The following S100Z variants were observed in gnomAD, a reference collection of about 807,000 sequenced individuals.
S100Z encodes the protein S100 calcium binding protein Z.
A neutral mutation model predicts 8.5 loss-of-function variants in S100Z; 11 were observed. That is an observed-to-expected ratio of 1.30 (90% confidence interval 0.82 to 2.15). S100Z has a LOEUF of 2.15. Ranked by LOEUF, S100Z falls within the 30% of genes most tolerant of loss-of-function variation. The probability of loss-of-function intolerance (pLI) is 0.00; values close to 1 mark genes in which losing one functional copy is unlikely to be tolerated. For synonymous variants in S100Z, 34 were observed against 43.8 expected, an observed-to-expected ratio of 0.78 and a Z score of 0.89; for missense variants, 126 against 117.9, an observed-to-expected ratio of 1.07 and a Z score of -0.32.
At chr5:76,943,833 T>G in the S100Z span, among the ~76,000 whole-genome samples, 1 of 152,334 alleles carries the variant, frequency 6.6e-6, no homozygotes, top group African/African-American at 2.4e-5. Flanking sequence ...AGGGTCCTTT[T>G]GTTTCCATTC....
intron 4 of S100Z, among the ~76,000 whole-genome samples, chr5:76,889,140 T>C (rs932627295): frequency 6.6e-6 from 1 of 152,206 alleles, no homozygotes; most frequent in Non-Finnish European, 1.5e-5. Context: ...TGATATTACC[T>C]GAGCAGGACT....
chr5:76,858,307 G>A (rs926287434), intron 1 of S100Z, among the ~76,000 whole-genome samples: 1 of 152,188 alleles, frequency 6.6e-6, no homozygotes, highest in African/African-American at 2.4e-5. Flanking sequence ...TGGATCACCT[G>A]AGGTCAGGAG....
chr5:76,885,119 T>C (rs1319488086), intron 4 of S100Z, among the ~76,000 whole-genome samples: 2 of 152,186 alleles, frequency 1.3e-5, no homozygotes, highest in Non-Finnish European at 2.9e-5. Context: ...TCAAGCAGTA[T>C]TGCAGAAGAA....
chr5:76,929,051 T>A, the S100Z span, among the ~76,000 whole-genome samples: 2 of 152,248 alleles, frequency 1.3e-5, no homozygotes, highest in African/African-American at 4.8e-5. Flanking sequence ...GCTATTTGGC[T>A]GTCTCTTGAG....
At chr5:76,936,400 A>G in the S100Z span, among the ~76,000 whole-genome samples, 1 of 152,186 alleles carries the variant, frequency 6.6e-6, no homozygotes, top group African/African-American at 2.4e-5. Context: ...GATAAATATC[A>G]AAACGTTAAC....
At chr5:76,930,028 A>G in the S100Z span, among the ~76,000 whole-genome samples, 578 of 152,344 alleles carry the variant, frequency 3.8e-3, 1 homozygote, top group African/African-American at 0.013. Flanking sequence ...CTAAAATTCT[A>G]CTGTTGCAGC....
the S100Z span, among the ~76,000 whole-genome samples, chr5:76,947,164 G>A: frequency 6.6e-6 from 1 of 152,210 alleles, no homozygotes; most frequent in Non-Finnish European, 1.5e-5. Flanking sequence ...ACTGGGGAGT[G>A]GCATTCACAC....
chr5:76,857,159 G>T (rs972125271), intron 1 of S100Z, among the ~76,000 whole-genome samples: 1 of 152,142 alleles, frequency 6.6e-6, no homozygotes, highest in African/African-American at 2.4e-5. Flanking sequence ...AGGCGTGGTG[G>T]CAGGTGCCTG....
intron 1 of S100Z, among the ~76,000 whole-genome samples, chr5:76,866,799 A>G (rs554642987): frequency 2.0e-4 from 30 of 152,302 alleles, no homozygotes; most frequent in African/African-American, 6.5e-4. Flanking sequence ...AAAATCACCT[A>G]ATGACGCATT....
intron 4 of S100Z, among the ~76,000 whole-genome samples, chr5:76,913,366 G>A (rs1181617667): frequency 6.6e-6 from 1 of 152,254 alleles, no homozygotes; most frequent in Non-Finnish European, 1.5e-5. Context: ...TATTCAGTAA[G>A]TGATAAAGAA....
rs866588657 is a variant in S100Z, at chr5:76,921,112, C to T, written c.*398C>T. Reference sequence around the variant, plus strand: ...TATAATCACTGTTAACTTCTTCATTCGAATTTTCCCTAGGTCCATGTATCT... The same window carrying T: ...TATAATCACTGTTAACTTCTTCATTTGAATTTTCCCTAGGTCCATGTATCT... On this transcript the variant is annotated 3_prime_UTR_variant, in exon 5 of 5. Transcript: ENST00000317593. 1.3e-5 allele frequency: 2 copies of T among 152,076 alleles called. No homozygotes were observed. Among genetic ancestry groups the T allele is most frequent in the South Asian group, 2.1e-4 (1 of 4,826 alleles). The allele number at this position is 152,076 out of a possible 1,614,324, so 9.4% of individuals were successfully genotyped here.
At chr5:76,897,324 C>T (rs890712352) in intron 4 of S100Z, among the ~76,000 whole-genome samples, 16 of 151,768 alleles carry the variant, frequency 1.1e-4, no homozygotes, top group African/African-American at 3.4e-4. Flanking sequence ...CGCCTGTAGT[C>T]GCAGCTACTT....
the S100Z span, among the ~76,000 whole-genome samples, chr5:76,952,177 A>T: frequency 6.6e-6 from 1 of 152,180 alleles, no homozygotes; most frequent in African/African-American, 2.4e-5. Flanking sequence ...TAGCCCTGCA[A>T]ATTTGCTGGT....
intron 4 of S100Z, among the ~76,000 whole-genome samples, chr5:76,904,371 C>T (rs972193710): frequency 6.6e-6 from 1 of 152,104 alleles, no homozygotes; most frequent in Non-Finnish European, 1.5e-5. Context: ...CCTCTGCCTC[C>T]TGGGTTCAAG....
chr5:76,941,416 G>C, the S100Z span, among the ~76,000 whole-genome samples: 1 of 152,064 alleles, frequency 6.6e-6, no homozygotes. Context: ...TTTTATAAAG[G>C]GTGGTTCCCC....
intron 1 of S100Z, among the ~76,000 whole-genome samples, chr5:76,851,487 T>C (rs1226363424): frequency 6.6e-6 from 1 of 151,596 alleles, no homozygotes; most frequent in Admixed American, 6.6e-5. Context: ...AGTGAGGAGA[T>C]ACAACCTGGC....
At chr5:76,867,498 C>T (rs1364258618) in intron 1 of S100Z, among the ~76,000 whole-genome samples, 1 of 152,106 alleles carries the variant, frequency 6.6e-6, no homozygotes, top group Non-Finnish European at 1.5e-5. Context: ...AGTCCATGAC[C>T]AATGCCTCAC....
At chr5:76,869,889 G>A (rs1029123352) in intron 1 of S100Z, among the ~76,000 whole-genome samples, 2 of 152,028 alleles carry the variant, frequency 1.3e-5, no homozygotes, top group South Asian at 2.1e-4. Context: ...CCAGCGTGGC[G>A]GTGCCCACTT....
At chr5:76,890,725 G>T (rs1032584022) in intron 4 of S100Z, among the ~76,000 whole-genome samples, 2 of 152,196 alleles carry the variant, frequency 1.3e-5, no homozygotes, top group Non-Finnish European at 2.9e-5. Context: ...AGGGTGTGGG[G>T]TGTCCAAGGG....
Sources: allele counts gnomAD v4.1 joint callset (sites outside exome capture counted in the v4.1 genomes callset), GRCh38; gene constraint gnomAD v4.1.1; transcripts MANE v1.5; gene names NCBI Gene and HGNC (gene_info 2026-07-23, HGNC 2026-07-21).